LRRC4C: variants seen among roughly 807,000 people sequenced by gnomAD.
LRRC4C encodes the protein leucine rich repeat containing 4C, also known as leucine-rich repeat-containing protein 4C.
In LRRC4C, 5 loss-of-function variants were observed where a neutral mutation model predicts 33.6. The ratio of observed to expected loss-of-function variants is 0.15; its 90% CI spans 0.08 to 0.31. The LOEUF (loss-of-function observed/expected upper bound fraction) is 0.31. Ranked by LOEUF, LRRC4C falls within the 10% of genes least tolerant of loss-of-function variation. The pLI is 1.00. For synonymous variants in LRRC4C, 329 were observed against 302.0 expected (o/e 1.09, Z -0.93); for missense variants, 560 against 796.7 (o/e 0.70, Z 3.58).
At chr11:40,206,407 T>G (rs1056225274) in intron 5 of LRRC4C, among the ~76,000 whole-genome samples, 2 of 106,916 alleles carry the variant, frequency 1.9e-5, no homozygotes, top group Non-Finnish European at 4.1e-5. Flanking sequence ...AGCTAATTTT[T>G]GTATTTTTTT....
At chr11:41,367,055 G>A (rs901858221) in intron 1 of LRRC4C, among the ~76,000 whole-genome samples, 21 of 152,194 alleles carry the variant, frequency 1.4e-4, no homozygotes, top group African/African-American at 4.8e-4. Flanking sequence ...GATAGCCTAT[G>A]TTCTTTCTAT....
At chr11:41,123,319 C>T (rs1399412198) in intron 1 of LRRC4C, among the ~76,000 whole-genome samples, 1 of 126,420 alleles carries the variant, frequency 7.9e-6, no homozygotes, top group Admixed American at 9.0e-5. Flanking sequence ...GTCGCCCAGG[C>T]TGGAGTGCAG....
intron 2 of LRRC4C, among the ~76,000 whole-genome samples, chr11:40,786,847 A>C (rs1052274451): frequency 6.6e-6 from 1 of 151,948 alleles, no homozygotes; most frequent in African/African-American, 2.4e-5. Context: ...CTTCATTAAC[A>C]TCTCCCCCAC....
intron 3 of LRRC4C, among the ~76,000 whole-genome samples, chr11:40,641,098 A>G (rs903264549): frequency 2.0e-5 from 3 of 152,034 alleles, no homozygotes; most frequent in African/African-American, 7.2e-5. Context: ...GATAGTCTTC[A>G]GTTAATATAG....
intron 1 of LRRC4C, among the ~76,000 whole-genome samples, chr11:41,247,004 G>A (rs369600418): frequency 1.4e-4 from 21 of 152,182 alleles, no homozygotes; most frequent in Non-Finnish European, 1.9e-4. Context: ...CCACCCCACC[G>A]GGTGAAGGTA....
chr11:40,779,092 C>T (rs1950119899), intron 2 of LRRC4C, among the ~76,000 whole-genome samples: 1 of 152,018 alleles, frequency 6.6e-6, no homozygotes, highest in Non-Finnish European at 1.5e-5. Context: ...CCACCTACCA[C>T]AGGGAAGGTG....
rs1390456754 is a variant in LRRC4C, at chr11:41,304,161, G to A, written c.-496+155270C>T. 1.2e-3 allele frequency among the ~76,000 whole-genome samples: 117 copies of A among 97,218 alleles called. 1 individual carries two copies. The highest frequency in any genetic ancestry group is 3.4e-3 in the African/African-American group (112 of 32,750). The allele number at this position is 97,218 out of a possible 152,430, so 63.8% of individuals were successfully genotyped here. On this transcript the variant is annotated intron_variant, in intron 1 of 6. Coordinates refer to ENST00000528697, the MANE Select transcript of LRRC4C (RefSeq NM_001258419.2). ...CTCAGCCCGGCCAGCCGCCCCGTCC[G>A]GGAGGGAGGTGGGGGGGTCAGCCCC...
At chr11:40,801,302 G>T (rs192551729) in intron 2 of LRRC4C, among the ~76,000 whole-genome samples, 156 of 152,120 alleles carry the variant, frequency 1.0e-3, no homozygotes, top group Non-Finnish European at 1.7e-3. Flanking sequence ...CCTCCAGCTG[G>T]TGTGCCCTTC....
At position 41,233,804 on chromosome 11, in the gene LRRC4C, A is replaced by G. The variant is rs138337460; in HGVS notation, c.-496+225627T>C. Among the ~76,000 whole-genome samples, 60 of 152,070 alleles carry G rather than the reference A, an allele frequency of 3.9e-4. 1 individual carries two copies. In the East Asian group the frequency reaches 0.011, roughly 27 times the overall value. On this transcript the variant is annotated intron_variant, in intron 1 of 6. Coordinates refer to ENST00000528697, the MANE Select transcript of LRRC4C (RefSeq NM_001258419.2). ...AAAATTTTCAGACAGCAAAAGGGGA[A>G]AAAAATTGTGAAATTTTATTTCTAG...
intron 1 of LRRC4C, among the ~76,000 whole-genome samples, chr11:41,431,309 A>G (rs1210807210): frequency 1.3e-5 from 2 of 151,932 alleles, no homozygotes; most frequent in Non-Finnish European, 2.9e-5. Context: ...ATTAGGAAAA[A>G]TTTCAAGAGC....
chr11:41,134,087 A>G (rs927750001), intron 1 of LRRC4C, among the ~76,000 whole-genome samples: 1 of 151,934 alleles, frequency 6.6e-6, no homozygotes, highest in East Asian at 1.9e-4. Context: ...AAATTGCTTT[A>G]TTTATTTATT....
chr11:40,178,207 CAA>C (rs898934621), intron 5 of LRRC4C, among the ~76,000 whole-genome samples: 1 of 152,148 alleles, frequency 6.6e-6, no homozygotes, highest in Admixed American at 6.5e-5. Flanking sequence ...AGCGAGCTTC[CAA>C]AGAGTCTGGA....
At chr11:40,625,511 C>G (rs112794241) in intron 3 of LRRC4C, among the ~76,000 whole-genome samples, 3 of 152,044 alleles carry the variant, frequency 2.0e-5, no homozygotes, top group African/African-American at 7.3e-5. Context: ...TGGGGGAAAA[C>G]CTGTCCCCCT....
At chr11:40,887,773 G>A (rs1198648622) in intron 2 of LRRC4C, among the ~76,000 whole-genome samples, 1 of 151,902 alleles carries the variant, frequency 6.6e-6, no homozygotes, top group East Asian at 1.9e-4. Context: ...ATTACCAGTG[G>A]CATCTTTGCC....
chr11:40,557,982 C>T (rs922547016), intron 3 of LRRC4C, among the ~76,000 whole-genome samples: 2 of 152,104 alleles, frequency 1.3e-5, no homozygotes, highest in African/African-American at 4.8e-5. Flanking sequence ...TAATTAAATC[C>T]GCAGAGTATA....
chr11:40,794,384 A>G (rs1950743480), intron 2 of LRRC4C, among the ~76,000 whole-genome samples: 1 of 103,948 alleles, frequency 9.6e-6, no homozygotes, highest in African/African-American at 5.2e-5. Context: ...AAAAAAAAAA[A>G]AAAAAAAAAA....
At chr11:40,916,205 C>T (rs940189552) in intron 2 of LRRC4C, among the ~76,000 whole-genome samples, 5 of 152,112 alleles carry the variant, frequency 3.3e-5, no homozygotes, top group African/African-American at 1.2e-4. Flanking sequence ...GGGTGTATAT[C>T]CAAAGGATTA....
At chr11:40,124,975 A>G (rs1021752465) in intron 6 of LRRC4C, among the ~76,000 whole-genome samples, 2 of 151,540 alleles carry the variant, frequency 1.3e-5, no homozygotes, top group Non-Finnish European at 2.9e-5. Context: ...AAAAGAATAT[A>G]TATATATATA....
intron 5 of LRRC4C, among the ~76,000 whole-genome samples, chr11:40,193,306 G>T (rs1048566469): frequency 1.3e-5 from 2 of 152,158 alleles, no homozygotes. Context: ...TGATACCAGG[G>T]CAAAAGGGTC....
Sources: allele counts gnomAD v4.1 joint callset (sites outside exome capture counted in the v4.1 genomes callset), GRCh38; gene constraint gnomAD v4.1.1; transcripts MANE v1.5; gene names NCBI Gene and HGNC (gene_info 2026-07-23, HGNC 2026-07-21).